The following DPP6 variants were observed in gnomAD, a reference collection of about 807,000 sequenced individuals.
DPP6 encodes dipeptidyl peptidase like 6.
In DPP6, 69 loss-of-function variants were observed where a neutral mutation model predicts 122.6. That is an observed-to-expected ratio of 0.56 (90% CI 0.46 to 0.69). The LOEUF (loss-of-function observed/expected upper bound fraction) is 0.69, where lower values mean the gene tolerates loss of function less well. DPP6 is among the 30% of genes least tolerant of loss of function. The pLI is 0.00. For missense variants in DPP6, 928 were observed against 1,116.9 expected (o/e 0.83, Z 2.41); for synonymous variants, 418 against 433.1 (o/e 0.97, Z 0.43).
intron 1 of DPP6, among the ~76,000 whole-genome samples, chr7:154,288,088 T>C (rs1464559527): frequency 6.6e-6 from 1 of 152,170 alleles, no homozygotes; most frequent in Non-Finnish European, 1.5e-5. Context: ...TTCCCCGCAG[T>C]CACATACCTC....
the DPP6 span, among the ~76,000 whole-genome samples, chr7:153,848,504 C>CCAAT: frequency 2.0e-5 from 3 of 152,186 alleles, no homozygotes; most frequent in African/African-American, 7.2e-5. Context: ...ACCACCCTGA[C>CCAAT]CAATCTCCTA....
intron 3 of DPP6, among the ~76,000 whole-genome samples, chr7:154,482,148 C>T (rs1207419955): frequency 3.9e-5 from 6 of 152,286 alleles, no homozygotes; most frequent in African/African-American, 1.4e-4. Flanking sequence ...GGAAAGCCTT[C>T]CAGGCAGGGT....
At chr7:153,927,487 G>A (rs550041081) in intron 1 of DPP6, among the ~76,000 whole-genome samples, 143 of 152,292 alleles carry the variant, frequency 9.4e-4, no homozygotes, top group Middle Eastern at 3.4e-3. Flanking sequence ...GTATGGAATT[G>A]TGTGTGTCAT....
rs543123353 is a variant in DPP6 at position 154,239,686 on chromosome 7, G to A, written c.243+186623G>A. Among the ~76,000 whole-genome samples, 5 of 151,956 alleles carry A rather than the reference G, an allele frequency of 3.3e-5. No individual in the cohort carries two copies. The South Asian group carries it at 8.3e-4, about 25-fold the overall frequency. On this transcript the variant is annotated intron_variant, in intron 1 of 25. Coordinates refer to ENST00000377770, the MANE Select transcript of DPP6 (RefSeq NM_130797.4). ...TGTGGTGAATCAAAAGTTACACAAG[G>A]GCTGGGCTGGGCTCAATGGCTCATG...
chr7:154,578,676 T>C (rs1429680799), intron 5 of DPP6, among the ~76,000 whole-genome samples: 1 of 152,148 alleles, frequency 6.6e-6, no homozygotes, highest in African/African-American at 2.4e-5. Context: ...TCTCAGTGAC[T>C]TGNCTCTAGT....
the DPP6 span, among the ~76,000 whole-genome samples, chr7:153,874,253 C>CACACACAT: frequency 6.8e-5 from 1 of 14,634 alleles, no homozygotes; most frequent in Admixed American, 5.5e-4. Flanking sequence ...TGCGCACATG[C>CACACACAT]ACACACACAC....
At chr7:154,579,493 A>G (rs916897092) in intron 5 of DPP6, among the ~76,000 whole-genome samples, 2 of 152,264 alleles carry the variant, frequency 1.3e-5, no homozygotes, top group Non-Finnish European at 2.9e-5. Flanking sequence ...AATTAGTGAA[A>G]TCAACCACTT....
the DPP6 span, among the ~76,000 whole-genome samples, chr7:153,819,712 G>A: frequency 6.6e-6 from 1 of 152,166 alleles, no homozygotes; most frequent in Non-Finnish European, 1.5e-5. Flanking sequence ...GAAAGAAAGA[G>A]AATATAAATG....
intron 5 of DPP6, among the ~76,000 whole-genome samples, chr7:154,576,053 G>A (rs2130629848): frequency 6.6e-6 from 1 of 152,182 alleles, no homozygotes; most frequent in East Asian, 1.9e-4. Context: ...CCGCAGTGGA[G>A]GGGTTGTCAT....
intron 1 of DPP6, among the ~76,000 whole-genome samples, chr7:154,292,319 T>C (rs987916437): frequency 2.0e-5 from 3 of 152,226 alleles, no homozygotes; most frequent in Non-Finnish European, 2.9e-5. Context: ...CAGGGTGGGC[T>C]TTGAGAACTC....
chr7:154,148,165 CT>C (rs1427004546), intron 1 of DPP6, among the ~76,000 whole-genome samples: 1 of 144,444 alleles, frequency 6.9e-6, no homozygotes, highest in Non-Finnish European at 1.5e-5. Flanking sequence ...AGGGAGTCAC[CT>C]CCTTCAAATC....
chr7:154,809,127 A>G (rs1431899340), intron 16 of DPP6, among the ~76,000 whole-genome samples: 2 of 152,226 alleles, frequency 1.3e-5, no homozygotes, highest in Non-Finnish European at 2.9e-5. Flanking sequence ...TCATGGAAAG[A>G]AGTCAAAATA....
the DPP6 span, among the ~76,000 whole-genome samples, chr7:153,774,837 C>A: frequency 6.6e-6 from 1 of 152,062 alleles, no homozygotes; most frequent in Non-Finnish European, 1.5e-5. Flanking sequence ...TGGTGATATG[C>A]ACCCGCAATC....
chr7:153,883,738 G>C (rs1398252349), upstream of DPP6, among the ~76,000 whole-genome samples: 1 of 152,186 alleles, frequency 6.6e-6, no homozygotes, highest in Non-Finnish European at 1.5e-5. Context: ...ATTCCATATG[G>C]CAGTGGCTCA....
chr7:154,440,745 C>G (rs1490219059), intron 1 of DPP6, among the ~76,000 whole-genome samples: 4 of 152,172 alleles, frequency 2.6e-5, no homozygotes. Context: ...TAATTTACTT[C>G]ACTTCCTCCT....
chr7:154,711,252 GATAA>G (rs1841161337), intron 7 of DPP6, among the ~76,000 whole-genome samples: 1 of 152,170 alleles, frequency 6.6e-6, no homozygotes, highest in Non-Finnish European at 1.5e-5. Context: ...TCCTTTCCAT[GATAA>G]ATAGTTTTCC....
chr7:154,521,063 A>G (rs1395904766), intron 3 of DPP6, among the ~76,000 whole-genome samples: 1 of 152,190 alleles, frequency 6.6e-6, no homozygotes, highest in African/African-American at 2.4e-5. Flanking sequence ...TAGAATCATC[A>G]TAATCCCTTT....
At chr7:153,802,187 G>C in the DPP6 span, among the ~76,000 whole-genome samples, 4 of 152,142 alleles carry the variant, frequency 2.6e-5, no homozygotes, top group South Asian at 2.1e-4. Context: ...AATGCCATTT[G>C]TGCACGTTGC....
chr7:154,588,027 C>A (rs766525240), intron 5 of DPP6: 1 of 1,612,486 alleles, frequency 6.2e-7, no homozygotes, highest in South Asian at 1.1e-5. Context: ...ATCTGCTCAC[C>A]CCGGGGATAA....
Sources: allele counts gnomAD v4.1 joint callset (sites outside exome capture counted in the v4.1 genomes callset), GRCh38; gene constraint gnomAD v4.1.1; transcripts MANE v1.5; gene names NCBI Gene and HGNC (gene_info 2026-07-23, HGNC 2026-07-21).